HASPIN: variants seen among roughly 807,000 people sequenced by gnomAD.
HASPIN encodes serine/threonine-protein kinase haspin.
Under a neutral mutation model 28.8 loss-of-function variants are expected in HASPIN, and 24 were observed. The observed-to-expected ratio is 0.83, with a 90% CI of 0.60 to 1.17. The LOEUF is 1.17. Ranked by LOEUF, HASPIN falls within the 50% of genes most tolerant of loss-of-function variation. The pLI is 0.00. For synonymous variants in HASPIN, 440 were observed against 413.1 expected, an observed-to-expected ratio of 1.07 and a Z score of -0.79; for missense variants, 1,016 against 1,018.5, an observed-to-expected ratio of 1.00 and a Z score of 0.03.
In HASPIN at chr17:3,726,403, C is replaced by A; in HGVS notation, c.*71C>A. Reference sequence around the variant, plus strand: ...AAGCCTCTGGTGCTGTTTCAACCTCCATCCCCACAGGAGGGTGGAACTCCC... The same window carrying A: ...AAGCCTCTGGTGCTGTTTCAACCTCAATCCCCACAGGAGGGTGGAACTCCC... On this transcript the variant is annotated 3_prime_UTR_variant, in exon 1 of 1. Coordinates refer to ENST00000325418, the MANE Select transcript of HASPIN (RefSeq NM_031965.2). 3 of 1,082,538 alleles carry A rather than the reference C, an allele frequency of 2.8e-6. No homozygotes were observed. Among genetic ancestry groups the A allele is most frequent in the Non-Finnish European group, 4.1e-6 (3 of 736,238 alleles). The allele number at this position is 1,082,538 out of a possible 1,614,324, so 67.1% of individuals were successfully genotyped here.
chr17:3,724,761 G>C lies in HASPIN; in HGVS notation c.826G>C (p.Val276Leu), dbSNP rs144742149. Residue 276 changes from valine to leucine, a missense_variant, in exon 1 of 1, where the codon GTG becomes CTG. Physicochemically the swap from Val to Leu is conservative, Grantham distance 32. Transcript: ENST00000325418. ...AGAGTCCTGCTGTAAAAGGAAACTG[G>C]TGGTGGGAAATGGACCAGAGGGTCC... ...MRESCCKRKL[V>L]VGNGPEGPGL... The C allele has an allele frequency of 1.9e-6, 3 of 1,614,092 alleles. No homozygotes were observed. The highest frequency in any genetic ancestry group is 2.5e-6 in the Non-Finnish European group (3 of 1,180,054).
chr17:3,726,416 G>A lies in HASPIN; in HGVS notation c.*84G>A. 1.1e-6 allele frequency: 1 copy of A among 893,714 alleles called. No individual in the cohort carries two copies. Among genetic ancestry groups the A allele is most frequent in the Non-Finnish European group, 1.7e-6 (1 of 573,820 alleles). 55.4% of individuals were successfully genotyped at this position (893,714 alleles called of 1,614,324 possible). On this transcript the variant is annotated 3_prime_UTR_variant, in exon 1 of 1. Coordinates refer to ENST00000325418, the MANE Select transcript of HASPIN (RefSeq NM_031965.2). ...TGTTTCAACCTCCATCCCCACAGGA[G>A]GGTGGAACTCCCATTCTCACAGGTT...
At position 3,724,017 on chromosome 17, in the gene HASPIN, G is replaced by T; in HGVS notation, c.82G>T (p.Gly28Cys). 6.3e-7 allele frequency: 1 copy of T among 1,591,778 alleles called. No individual in the cohort carries two copies. The highest frequency in any genetic ancestry group is 8.5e-7 in the Non-Finnish European group (1 of 1,174,060). ...AADGRRQRRPGREAAQWFPPQ... is the reference protein window; with the variant it reads ...AADGRRQRRPCREAAQWFPPQ... ...GGACGGCAGGAGACAGCGGCGGCCGGGCCGGGAAGCCGCGCAGTGGTTCCC... is the reference window on the plus strand; with the variant it reads ...GGACGGCAGGAGACAGCGGCGGCCGTGCCGGGAAGCCGCGCAGTGGTTCCC... The change falls in exon 1 of 1, where the codon GGC becomes TGC. Residue 28 changes from glycine to cysteine, a missense_variant. Gly to Cys is a radical substitution (Grantham distance 159, BLOSUM62 -3). Transcript: ENST00000325418.
At position 3,723,947 on chromosome 17, in the gene HASPIN, G is replaced by C. The variant is rs776415977; in HGVS notation, c.12G>C (p.Ser4=). MAA[S]LPGPGSRLFR... ...GGCGGGTGCCGGCCATGGCGGCTTC[G>C]CTCCCGGGACCTGGGAGCCGGCTTT... The change falls in exon 1 of 1, where the codon TCG becomes TCC. Residue 4 remains serine (S), a synonymous_variant. Coordinates refer to ENST00000325418, the MANE Select transcript of HASPIN (RefSeq NM_031965.2). 7 of 1,554,268 alleles carry C rather than the reference G, an allele frequency of 4.5e-6. No homozygotes were observed. Among genetic ancestry groups the C allele is most frequent in the East Asian group, 2.3e-5 (1 of 43,298 alleles).
rs965277654 is a variant in HASPIN, at chr17:3,725,717, T to A, written c.1782T>A (p.Phe594Leu). The change falls in exon 1 of 1, where the codon TTT (phenylalanine) becomes TTA (leucine). Residue 594 changes from phenylalanine to leucine, a missense_variant. This residue lies in a region of HASPIN where 881 missense variants were observed against 845.5 expected (regional missense o/e 1.04). Coordinates refer to ENST00000325418, the MANE Select transcript of HASPIN (RefSeq NM_031965.2). Reference protein sequence around the residue: ...KGSANDRPDFFKDDQLFIVLE... With the variant: ...KGSANDRPDFLKDDQLFIVLE... The stretch of plus-strand genomic sequence containing the variant: ...CTGCAAATGACCGGCCTGATTTTTT[T>A]AAAGACGACCAGCTCTTCATTGTGC... 2 of 1,573,784 alleles carry A rather than the reference T, an allele frequency of 1.3e-6. No homozygotes were observed. Among genetic ancestry groups the A allele is most frequent in the African/African-American group, 2.7e-5 (2 of 73,296 alleles).
At position 3,725,838 on chromosome 17, in the gene HASPIN, TC is replaced by T; in HGVS notation, c.1906del (p.Leu636SerfsTer22). 1 of 1,611,762 alleles carries T rather than the reference TC, an allele frequency of 6.2e-7. No individual in the cohort carries two copies. ...AKSILHQLTA[S>X]LAVAEASLRF... ...GAGCATTCTACACCAGCTCACAGCC[TC>T]CCTCGCAGTGGCAGAGGCATCACTG... On this transcript the variant is annotated frameshift_variant, in exon 1 of 1. Coordinates refer to ENST00000325418, the MANE Select transcript of HASPIN (RefSeq NM_031965.2). LOFTEE classifies it high-confidence loss of function.
At position 3,725,063 on chromosome 17, in the gene HASPIN, G is replaced by C. The variant is rs1597300617; in HGVS notation, c.1128G>C (p.Gln376His). 1.2e-6 allele frequency: 2 copies of C among 1,614,214 alleles called. No homozygotes were observed. The highest frequency in any genetic ancestry group is 1.7e-6 in the Non-Finnish European group (2 of 1,180,040). Residue 376 changes from glutamine (Q) to histidine (H), a missense_variant, in exon 1 of 1, where the codon CAG (glutamine) becomes CAC (histidine). By Grantham distance (24) the Gln-to-His change is conservative (BLOSUM62 0). Coordinates refer to ENST00000325418, the MANE Select transcript of HASPIN (RefSeq NM_031965.2). ...CCACCCAGGACCTGACTCCTTTACA[G>C]AATGTCTGCTTTTGGACCAAAACCA... is the stretch of plus-strand genomic sequence containing the variant. The part of the protein sequence containing the change: ...SFPTQDLTPL[Q>H]NVCFWTKTRA...
chr17:3,724,705 C>T lies in HASPIN; in HGVS notation c.770C>T (p.Ser257Phe). 6.2e-7 allele frequency: 1 copy of T among 1,614,192 alleles called. No homozygotes were observed. The highest frequency in any genetic ancestry group is 1.6e-4 in the Middle Eastern group (1 of 6,062). ...ATGAACTCAGGAACCCCTGAGGATT[C>T]TGAGTTTCGGGCAGATGGGAAGAAT... ...GLMNSGTPED[S>F]EFRADGKNMR... Residue 257 changes from serine to phenylalanine, a missense_variant, in exon 1 of 1, where the codon TCT becomes TTT. Coordinates refer to ENST00000325418, the MANE Select transcript of HASPIN (RefSeq NM_031965.2).
Position 3,725,393 on chromosome 17 carries a change from C to T in HASPIN, c.1458C>T (p.Arg486=). ...SHCLPTEKLQ[R]CEKIGEGVFG... ...GCCTTCCCACAGAAAAACTGCAACG[C>T]TGTGAGAAGATTGGGGAAGGGGTGT... is the stretch of plus-strand genomic sequence containing the variant. Residue 486 remains arginine, a synonymous_variant, in exon 1 of 1, where the codon CGC becomes CGT. Transcript: ENST00000325418. 1 of 1,614,208 alleles carries T rather than the reference C, an allele frequency of 6.2e-7. No individual in the cohort carries two copies. The highest frequency in any genetic ancestry group is 1.1e-5 in the South Asian group (1 of 91,084).
In HASPIN at chr17:3,724,164, A is replaced by G. The variant is rs202089161; in HGVS notation, c.229A>G (p.Arg77Gly). 1,248 of 1,593,766 alleles carry G rather than the reference A, an allele frequency of 7.8e-4. 10 individuals carry two copies. In the African/African-American group the frequency reaches 0.014, roughly 18 times the overall value. Reference sequence around the variant, plus strand: ...CCCCGACTTCCCCGGCAGCCCGGTGAGGCGGCGGCGGAGGCGTCCCGGCGG... The same window carrying G: ...CCCCGACTTCCCCGGCAGCCCGGTGGGGCGGCGGCGGAGGCGTCCCGGCGG... ...DDPDFPGSPVRRRRRRPGGRV... is the reference protein window; with the variant it reads ...DDPDFPGSPVGRRRRRPGGRV... Residue 77 changes from arginine (R) to glycine (G), a missense_variant, in exon 1 of 1, where the codon AGG becomes GGG. This residue lies in a region of HASPIN where 881 missense variants were observed against 845.5 expected (regional missense o/e 1.04). Transcript: ENST00000325418.
In HASPIN at chr17:3,723,919, C is replaced by T. The variant is rs1445292580; in HGVS notation, c.-17C>T. The T allele has an allele frequency of 3.2e-6, 5 of 1,542,876 alleles. No individual in the cohort carries two copies. The highest frequency in any genetic ancestry group is 2.8e-5 in the African/African-American group (2 of 72,102). The stretch of plus-strand genomic sequence containing the variant: ...TCTCGCGATGTTTGCGTTTGAACCT[C>T]TTGGCGGGTGCCGGCCATGGCGGCT... On this transcript the variant is annotated 5_prime_UTR_variant, in exon 1 of 1. Transcript: ENST00000325418.
chr17:3,725,897 C>T lies in HASPIN; in HGVS notation c.1962C>T (p.Asn654=), dbSNP rs771964344. ...AGCACCGAGACTTACACTGGGGGAA[C>T]GTGCTCTTAAAGAAAACCAGCCTCA... The part of the protein sequence containing the change: ...RFEHRDLHWG[N]VLLKKTSLKK... Residue 654 remains asparagine (N), a synonymous_variant, in exon 1 of 1, where the codon AAC becomes AAT. Transcript: ENST00000325418. The T allele has an allele frequency of 4.2e-5, 67 of 1,612,646 alleles. No homozygotes were observed. The highest frequency in any genetic ancestry group is 5.3e-5 in the Non-Finnish European group (63 of 1,179,988).
rs1467505059 is a variant in HASPIN at position 3,725,644 on chromosome 17, C to T, written c.1709C>T (p.Pro570Leu). ...NSVHCVQGSY[P>L]PLLLKAWDHY... ...GTGCACTGTGTCCAGGGATCTTACC[C>T]TCCCTTGCTCCTCAAAGCCTGGGAT... The change falls in exon 1 of 1, where the codon CCT becomes CTT. Residue 570 changes from proline (P) to leucine (L), a missense_variant. Pro to Leu is a moderately conservative substitution (Grantham distance 98). Coordinates refer to ENST00000325418, the MANE Select transcript of HASPIN (RefSeq NM_031965.2). 2 of 1,602,590 alleles carry T rather than the reference C, an allele frequency of 1.2e-6. No homozygotes were observed.
rs1240960220 is a variant in HASPIN, at chr17:3,724,169, G to A, written c.234G>A (p.Arg78=). ...DPDFPGSPVR[R]RRRRPGGRVP... ...ACTTCCCCGGCAGCCCGGTGAGGCG[G>A]CGGCGGAGGCGTCCCGGCGGCCGAG... Residue 78 remains arginine, a synonymous_variant, in exon 1 of 1, where the codon CGG becomes CGA. Transcript: ENST00000325418. The A allele has an allele frequency of 6.3e-7, 1 of 1,592,982 alleles. No individual in the cohort carries two copies. The highest frequency in any genetic ancestry group is 1.1e-5 in the South Asian group (1 of 90,362).
rs1283990799 is a variant in HASPIN, at chr17:3,724,192, G to C, written c.257G>C (p.Arg86Pro). The C allele has an allele frequency of 2.5e-6, 4 of 1,592,114 alleles. No individual in the cohort carries two copies. Among genetic ancestry groups the C allele is most frequent in the Non-Finnish European group, 3.4e-6 (4 of 1,176,658 alleles). The change falls in exon 1 of 1, where the codon CGA (arginine) becomes CCA (proline). Residue 86 changes from arginine to proline, a missense_variant. By Grantham distance (103) the Arg-to-Pro change is moderately radical (BLOSUM62 -2). This residue lies in a region of HASPIN where 881 missense variants were observed against 845.5 expected (regional missense o/e 1.04). Coordinates refer to ENST00000325418, the MANE Select transcript of HASPIN (RefSeq NM_031965.2). ...VRRRRRRPGG[R>P]VPKDRPSLTV... ...CGGCGGCGGAGGCGTCCCGGCGGCC[G>C]AGTGCCCAAGGACCGGCCCAGCCTG...
chr17:3,725,483 A>C lies in HASPIN; in HGVS notation c.1548A>C (p.Glu516Asp), dbSNP rs1426075827. 6.2e-7 allele frequency: 1 copy of C among 1,614,232 alleles called. No individual in the cohort carries two copies. Among genetic ancestry groups the C allele is most frequent in the South Asian group, 1.1e-5 (1 of 91,084 alleles). The stretch of plus-strand genomic sequence containing the variant: ...TAGCCATAAAAATCATTGCTATTGA[A>C]GGACCAGATTTAGTCAATGGATCCC... ...TPVAIKIIAI[E>D]GPDLVNGSHQ... Residue 516 changes from glutamate (E) to aspartate (D), a missense_variant, in exon 1 of 1, where the codon GAA becomes GAC. Physicochemically the swap from Glu to Asp is conservative, Grantham distance 45 (BLOSUM62 2). Transcript: ENST00000325418.
Position 3,726,554 on chromosome 17 carries a change from A to G in HASPIN, c.*222A>G, listed in dbSNP as rs9896869. On this transcript the variant is annotated 3_prime_UTR_variant, in exon 1 of 1. Coordinates refer to ENST00000325418, the MANE Select transcript of HASPIN (RefSeq NM_031965.2). ...TCTGAAAGAAGTAAACTAGCCGGGC[A>G]CAGTGGCGTGCGCCTGTAGTCCCAG... The G allele has an allele frequency of 0.53, 283,997 of 533,096 alleles. 77,372 individuals are homozygous for G. The highest frequency in any genetic ancestry group is 0.63 in the African/African-American group (33,326 of 52,618). 33.0% of individuals were successfully genotyped at this position (533,096 alleles called of 1,614,324 possible).
Position 3,725,160 on chromosome 17 carries a change from G to A in HASPIN, c.1225G>A (p.Ala409Thr), listed in dbSNP as rs1209617891. 4 of 1,614,044 alleles carry A rather than the reference G, an allele frequency of 2.5e-6. No individual in the cohort carries two copies. In the African/African-American group the frequency reaches 5.3e-5, roughly 22 times the overall value. ...AGAGGTCTGCAGCATCTATACCACTGCCACTTCTCTCTCTGGATCCCTCCT... is the reference window on the plus strand; with the variant it reads ...AGAGGTCTGCAGCATCTATACCACTACCACTTCTCTCTCTGGATCCCTCCT... Reference protein sequence around the residue: ...VSEVCSIYTTATSLSGSLLSE... With the variant: ...VSEVCSIYTTTTSLSGSLLSE... Residue 409 changes from alanine (A) to threonine (T), a missense_variant, in exon 1 of 1, where the codon GCC becomes ACC. This residue lies in a region of HASPIN where 881 missense variants were observed against 845.5 expected (regional missense o/e 1.04). Coordinates refer to ENST00000325418, the MANE Select transcript of HASPIN (RefSeq NM_031965.2).
Position 3,723,968 on chromosome 17 carries a change from GC to G in HASPIN, c.34del (p.Leu12PhefsTer65). 6.4e-7 allele frequency: 1 copy of G among 1,574,462 alleles called. No individual in the cohort carries two copies. The highest frequency in any genetic ancestry group is 8.6e-7 in the Non-Finnish European group (1 of 1,160,180). On this transcript the variant is annotated frameshift_variant, in exon 1 of 1. Transcript: ENST00000325418. LOFTEE classifies it low-confidence loss of function (END_TRUNC). ...CTTCGCTCCCGGGACCTGGGAGCCG[GC>G]TTTTCCGCACATATGGGGCTGCGGA... The part of the protein sequence containing the change: ...AASLPGPGSR[L>X]FRTYGAADGR...
Sources: allele counts gnomAD v4.1 joint callset, GRCh38; gene constraint gnomAD v4.1.1; regional missense constraint gnomAD v4.1.1; transcripts MANE v1.5; gene names NCBI Gene and HGNC (gene_info 2026-07-23, HGNC 2026-07-21).